Variants in GLTP observed in about 807,000 individuals in gnomAD.
GLTP encodes the protein glycolipid transfer protein.
A neutral mutation model predicts 24.0 loss-of-function variants in GLTP; 22 were observed. That is an observed-to-expected ratio of 0.92 (90% CI 0.65 to 1.31). The LOEUF (loss-of-function observed/expected upper bound fraction) is 1.31. Ranked by LOEUF, GLTP falls within the 50% of genes most tolerant of loss-of-function variation. GLTP has a pLI of 0.00. For missense variants in GLTP, 224 were observed against 276.6 expected (o/e 0.81, Z 1.35); for synonymous variants, 92 against 115.9 (o/e 0.79, Z 1.33).
At chr12:109,878,391 G>A (rs750446650) in intron 1 of GLTP, among the ~76,000 whole-genome samples, 28 of 152,116 alleles carry the variant, frequency 1.8e-4, no homozygotes, top group Non-Finnish European at 3.7e-4. Flanking sequence ...AGGATACTGA[G>A]CAGCTCCCTG....
chr12:109,861,915 T>C (rs1293263066), intron 1 of GLTP, among the ~76,000 whole-genome samples: 1 of 152,168 alleles, frequency 6.6e-6, no homozygotes, highest in Non-Finnish European at 1.5e-5. Context: ...AGAACCTCCA[T>C]CGAGTGGGAC....
At chr12:109,856,936 A>C (rs573628160) in intron 3 of GLTP, among the ~76,000 whole-genome samples, 6 of 152,282 alleles carry the variant, frequency 3.9e-5, no homozygotes, top group African/African-American at 1.4e-4. Flanking sequence ...CAGGAGGCTG[A>C]GGCAGGAGAA....
chr12:109,856,870 C>T (rs1250336381), intron 3 of GLTP, among the ~76,000 whole-genome samples: 4 of 152,038 alleles, frequency 2.6e-5, no homozygotes, highest in African/African-American at 7.2e-5. Flanking sequence ...CTTGTCTCTA[C>T]TAAAAATACA....
intron 4 of GLTP, 101 bp from the exon 5 acceptor site, chr12:109,852,838 C>G: frequency 1.4e-6 from 1 of 711,062 alleles, no homozygotes; most frequent in South Asian, 1.7e-5. Flanking sequence ...TGGGTCTGTG[C>G]TGGACAGGGG....
In GLTP at chr12:109,858,695, G is replaced by A. The variant is rs140183607; in HGVS notation, c.150C>T (p.Ser50=). 21 of 1,612,422 alleles carry A rather than the reference G, an allele frequency of 1.3e-5. No homozygotes were observed. The highest frequency in any genetic ancestry group is 4.4e-5 in the South Asian group (4 of 91,042). Residue 50 remains serine (S), a synonymous_variant, in exon 2 of 5, where the codon AGC becomes AGT. Coordinates refer to ENST00000318348, the MANE Select transcript of GLTP (RefSeq NM_016433.4). ...PVFTPIKADI[S]GNITKIKAVY... is the part of the protein sequence containing the mutation. ...GCCAGGTACATACCGTGATGTTGCC[G>A]CTTATGTCTGCCTTGATGGGAGTAA...
intron 4 of GLTP, among the ~76,000 whole-genome samples, chr12:109,854,118 G>A (rs1355382795): frequency 6.6e-6 from 1 of 151,768 alleles, no homozygotes; most frequent in Non-Finnish European, 1.5e-5. Context: ...AGCACTTTGG[G>A]AGGCCGAGGT....
Position 109,852,665 on chromosome 12 carries a change from C to T in GLTP, c.520G>A (p.Glu174Lys). The change falls in exon 5 of 5, where the codon GAG (glutamate) becomes AAG (lysine). Residue 174 changes from glutamate to lysine, a missense_variant. By Grantham distance (56) the Glu-to-Lys change is moderately conservative (BLOSUM62 1). Coordinates refer to ENST00000318348, the MANE Select transcript of GLTP (RefSeq NM_016433.4). The part of the protein sequence containing the change: ...ALSKGQNVTE[E>K]ECLEKIRLFL... ...AGGCGGATCTTCTCCAGGCACTCCT[C>T]CTCCGTAACATTCTGCCCCTTGGAG... The T allele has an allele frequency of 6.2e-7, 1 of 1,608,988 alleles. No homozygotes were observed. The highest frequency in any genetic ancestry group is 8.5e-7 in the Non-Finnish European group (1 of 1,175,332).
chr12:109,861,517 A>G (rs1432162753), intron 1 of GLTP, among the ~76,000 whole-genome samples: 5 of 152,228 alleles, frequency 3.3e-5, no homozygotes, highest in Non-Finnish European at 2.9e-5. Context: ...TGGGAGGCCA[A>G]GGCGGGCGGA....
At chr12:109,861,490 C>A (rs1479825168) in intron 1 of GLTP, among the ~76,000 whole-genome samples, 1 of 152,178 alleles carries the variant, frequency 6.6e-6, no homozygotes, top group African/African-American at 2.4e-5. Flanking sequence ...TAGCTCACGC[C>A]TGTAATCCCA....
intron 2 of GLTP, chr12:109,858,016 A>G (rs1242371445): frequency 1.2e-5 from 5 of 434,154 alleles, no homozygotes; most frequent in Non-Finnish European, 2.3e-5. Flanking sequence ...GACACCAAGT[A>G]TCTGAAGTTT....
intron 4 of GLTP, among the ~76,000 whole-genome samples, chr12:109,854,215 T>C (rs1892764584): frequency 6.6e-6 from 1 of 151,580 alleles, no homozygotes; most frequent in African/African-American, 2.4e-5. Context: ...AAAAATTAGC[T>C]AGGTGTTGGT....
At chr12:109,878,427 C>T (rs1868953294) in intron 1 of GLTP, among the ~76,000 whole-genome samples, 1 of 152,082 alleles carries the variant, frequency 6.6e-6, no homozygotes, top group African/African-American at 2.4e-5. Flanking sequence ...ACACCCCGTG[C>T]CCCATCCCCC....
intron 1 of GLTP, among the ~76,000 whole-genome samples, chr12:109,864,993 G>A (rs1027266731): frequency 1.4e-4 from 21 of 152,116 alleles, no homozygotes; most frequent in Non-Finnish European, 1.2e-4. Context: ...GATTACAGGC[G>A]TGTGCCACCG....
chr12:109,852,591 G>T lies in GLTP; in HGVS notation c.594C>A (p.Tyr198Ter). The change falls in exon 5 of 5, where the codon TAC becomes TAA. Residue 198 changes from tyrosine (Y) to a stop codon, truncating the protein, a stop_gained. Coordinates refer to ENST00000318348, the MANE Select transcript of GLTP (RefSeq NM_016433.4). LOFTEE classifies it high-confidence loss of function. ...AGTTAAGCTCAGCGTTCATCTGGGT[G>T]TACATCTCGTAGATGACATCGATGG... is the stretch of plus-strand genomic sequence containing the variant. ...TATIDVIYEMYTQMNAELNYK... is the reference protein window; with the variant it reads ...TATIDVIYEM The T allele has an allele frequency of 6.2e-7, 1 of 1,610,648 alleles. No individual in the cohort carries two copies. Among genetic ancestry groups the T allele is most frequent in the South Asian group, 1.1e-5 (1 of 91,012 alleles).
rs1892786053 is a variant in GLTP, at chr12:109,855,647, T to G, written c.419A>C (p.His140Pro). 2 of 1,592,722 alleles carry G rather than the reference T, an allele frequency of 1.3e-6. No homozygotes were observed. The highest frequency in any genetic ancestry group is 2.7e-5 in the African/African-American group (2 of 73,166). Residue 140 changes from histidine to proline, a missense_variant, in exon 4 of 5, where the codon CAT becomes CCT. By Grantham distance (77) the His-to-Pro change is moderately conservative. Coordinates refer to ENST00000318348, the MANE Select transcript of GLTP (RefSeq NM_016433.4). This position sits in a 1 kb window ranked among gnomAD's most constrained non-coding sequence, Gnocchi z 4.1. ...GAAGATCTTCTGCACGATCCAGCCA[T>G]GGTACTTCTTGAGGGCCATCTCGTA... ...KAYEMALKKY[H>P]GWIVQKIFQA... is the part of the protein sequence containing the mutation.
At chr12:109,863,893 T>C (rs1303700757) in intron 1 of GLTP, among the ~76,000 whole-genome samples, 4 of 152,184 alleles carry the variant, frequency 2.6e-5, no homozygotes, top group Non-Finnish European at 5.9e-5. Context: ...TCTTAATGAC[T>C]CCGGTCATTC....
rs748261819 is a variant in GLTP at position 109,855,002 on chromosome 12, G to A, written c.447+617C>T. Among the ~76,000 whole-genome samples the A allele has an allele frequency of 8.5e-5, 13 of 152,238 alleles. No homozygotes were observed. The highest frequency in any genetic ancestry group is 5.2e-4 in the Admixed American group (8 of 15,286). On this transcript the variant is annotated intron_variant, in intron 4 of 4. Coordinates refer to ENST00000318348, the MANE Select transcript of GLTP (RefSeq NM_016433.4). This position sits in a 1 kb window ranked among gnomAD's most constrained non-coding sequence, Gnocchi z 4.1. ...GCCAGAACAGGCCGGGCAGGAACAC[G>A]TGGGTGAGATGAGGGCAGCAAGCAG... is the stretch of plus-strand genomic sequence containing the variant.
intron 1 of GLTP, among the ~76,000 whole-genome samples, chr12:109,876,316 CT>C (rs1868876789): frequency 6.6e-6 from 1 of 152,084 alleles, no homozygotes; most frequent in South Asian, 2.1e-4. Flanking sequence ...GCACTCCAGC[CT>C]GGGCAATATA....
At chr12:109,872,294 G>A (rs1565900483) in intron 1 of GLTP, among the ~76,000 whole-genome samples, 1 of 152,216 alleles carries the variant, frequency 6.6e-6, no homozygotes, top group Non-Finnish European at 1.5e-5. Flanking sequence ...TAGACCTTTA[G>A]GAAGTGGGCC....
Sources: gnomAD v4.1 joint callset for allele counts (sites outside exome capture counted in the v4.1 genomes callset) on GRCh38, gnomAD v4.1.1 for gene constraint, Gnocchi (gnomAD v3.1) non-coding constraint, MANE v1.5 for transcripts, NCBI Gene and HGNC (gene_info 2026-07-23, HGNC 2026-07-21) for gene names.